AFAP1L2: variants seen among roughly 807,000 people sequenced by gnomAD.
The protein encoded by AFAP1L2 is actin filament-associated protein 1-like 2.
Under a neutral mutation model 99.3 loss-of-function variants are expected in AFAP1L2, and 46 were observed. The observed-to-expected ratio is 0.46, with a 90% CI of 0.37 to 0.59. The LOEUF (loss-of-function observed/expected upper bound fraction) is 0.59. Among genes scored for constraint, AFAP1L2 ranks in the 20% least tolerant of loss-of-function variants. AFAP1L2 has a pLI of 0.00. For synonymous variants in AFAP1L2, 397 were observed against 419.1 expected (o/e 0.95, Z 0.64); for missense variants, 959 against 1,034.9 (o/e 0.93, Z 1.01).
the AFAP1L2 span, among the ~76,000 whole-genome samples, chr10:114,285,464 T>A: frequency 6.6e-6 from 1 of 152,240 alleles, no homozygotes; most frequent in Non-Finnish European, 1.5e-5. Flanking sequence ...GCTTGATGAA[T>A]AATAACTTTT....
intron 5 of AFAP1L2, among the ~76,000 whole-genome samples, chr10:114,322,921 G>A (rs905220263): frequency 2.0e-5 from 3 of 152,346 alleles, no homozygotes; most frequent in Middle Eastern, 3.4e-3. Flanking sequence ...TATTTGTTGT[G>A]TACCATCCCT....
At chr10:114,343,782 G>C (rs1348916017) in intron 1 of AFAP1L2, among the ~76,000 whole-genome samples, 1 of 152,152 alleles carries the variant, frequency 6.6e-6, no homozygotes, top group African/African-American at 2.4e-5. Flanking sequence ...CTGACCCAGG[G>C]GAGCTTCTCT....
intron 12 of AFAP1L2, 97 bp downstream of exon 12, chr10:114,302,242 C>A (rs755634081): frequency 7.2e-6 from 11 of 1,524,890 alleles, no homozygotes; most frequent in Non-Finnish European, 9.9e-6. Flanking sequence ...TGGGGTGGGA[C>A]CCTGTGCTCC....
intron 5 of AFAP1L2, chr10:114,319,545 C>T (rs756447557): frequency 4.7e-5 from 61 of 1,288,280 alleles, no homozygotes; most frequent in African/African-American, 2.4e-4. Context: ...CATTCCAGCT[C>T]GGGGAGTAAG....
Position 114,344,752 on chromosome 10 carries a change from C to A in AFAP1L2, c.17-4021G>T, listed in dbSNP as rs146573283. 7.9e-5 allele frequency among the ~76,000 whole-genome samples: 12 copies of A among 152,244 alleles called. No homozygotes were observed. The East Asian group carries it at 2.3e-3, about 29-fold the overall frequency. On this transcript the variant is annotated intron_variant, in intron 1 of 18. Coordinates refer to ENST00000304129, the MANE Select transcript of AFAP1L2 (RefSeq NM_001001936.3). ...TTTATCAGGAAAAGGAATTGTAGCT[C>A]GTCCTTGAGGAATGCATAGGAGCTC...
At chr10:114,394,455 G>A (rs1371447699) in intron 1 of AFAP1L2, among the ~76,000 whole-genome samples, 1 of 151,964 alleles carries the variant, frequency 6.6e-6, no homozygotes, top group East Asian at 1.9e-4. Flanking sequence ...AGAGAGTTGG[G>A]AGGGTCTGAC....
At chr10:114,404,364 G>T in intron 1 of AFAP1L2, 76 bp downstream of exon 1, 1 of 1,444,444 alleles carries the variant, frequency 6.9e-7, no homozygotes, top group Non-Finnish European at 9.4e-7. Context: ...CTGGCAAGAC[G>T]AGTCCTAGCC....
intron 5 of AFAP1L2, among the ~76,000 whole-genome samples, chr10:114,321,356 A>G (rs2045280576): frequency 6.6e-6 from 1 of 152,108 alleles, no homozygotes; most frequent in African/African-American, 2.4e-5. Flanking sequence ...AACATAAGAT[A>G]TTTGGTTTTT....
chr10:114,302,612 G>A (rs1037693434), intron 11 of AFAP1L2, 128 bp from the exon 12 acceptor site: 8 of 1,173,422 alleles, frequency 6.8e-6, no homozygotes, highest in Non-Finnish European at 8.3e-6. Flanking sequence ...AACAGCCCGG[G>A]GCTGTGCTTC....
the AFAP1L2 span, chr10:114,286,612 G>GAA: frequency 6.6e-6 from 7 of 1,055,812 alleles, no homozygotes; most frequent in Non-Finnish European, 9.3e-6. Context: ...GCCTCTTCTA[G>GAA]GGGCTGAAAC....
chr10:114,359,163 G>T (rs1452303839), intron 1 of AFAP1L2, among the ~76,000 whole-genome samples: 1 of 152,176 alleles, frequency 6.6e-6, no homozygotes, highest in African/African-American at 2.4e-5. Context: ...AGGATTCCTG[G>T]TGTGTAACAC....
intron 13 of AFAP1L2, 69 bp downstream of exon 13, chr10:114,301,285 A>C: frequency 2.3e-6 from 3 of 1,297,876 alleles, no homozygotes; most frequent in Non-Finnish European, 3.3e-6. Context: ...GATCTCTGGC[A>C]TCCAGGTGTT....
chr10:114,395,825 C>T (rs913497741), intron 1 of AFAP1L2, among the ~76,000 whole-genome samples: 21 of 147,964 alleles, frequency 1.4e-4, no homozygotes, highest in Admixed American at 2.7e-4. Flanking sequence ...TGCACTCAAA[C>T]CAGACGCGGG....
chr10:114,398,842 C>T (rs2057977781), intron 1 of AFAP1L2: 1 of 1,304,184 alleles, frequency 7.7e-7, no homozygotes, highest in Non-Finnish European at 1.0e-6. Context: ...CAGACAGGCT[C>T]ATACTCACAC....
intron 3 of AFAP1L2, among the ~76,000 whole-genome samples, chr10:114,332,656 TC>T (rs367652378): frequency 1.4e-4 from 21 of 152,276 alleles, no homozygotes; most frequent in African/African-American, 3.8e-4. Context: ...CCTCTGGGCC[TC>T]CCCGGGGTCT....
intron 2 of AFAP1L2, among the ~76,000 whole-genome samples, chr10:114,337,963 T>C (rs866017525): frequency 6.6e-6 from 1 of 152,168 alleles, no homozygotes; most frequent in South Asian, 2.1e-4. Flanking sequence ...TGATGTGCTG[T>C]TGACCAGCAC....
At chr10:114,366,252 C>T (rs765294345) in intron 1 of AFAP1L2, among the ~76,000 whole-genome samples, 6 of 152,092 alleles carry the variant, frequency 3.9e-5, no homozygotes, top group Non-Finnish European at 8.8e-5. Context: ...ACATGAAATA[C>T]GTAATGGAGG....
intron 5 of AFAP1L2, among the ~76,000 whole-genome samples, 181 bp from the exon 6 acceptor site, chr10:114,315,946 A>G (rs1290929884): frequency 1.3e-5 from 2 of 152,174 alleles, no homozygotes; most frequent in African/African-American, 4.8e-5. Flanking sequence ...CCTGCCCCCA[A>G]ACCCCTCAGC....
chr10:114,282,054 G>A, the AFAP1L2 span, among the ~76,000 whole-genome samples: 1 of 119,236 alleles, frequency 8.4e-6, no homozygotes. Flanking sequence ...CTGTTACCCA[G>A]GCTGGAGTGC....
Sources: gnomAD v4.1 joint callset for allele counts (sites outside exome capture counted in the v4.1 genomes callset) on GRCh38, gnomAD v4.1.1 for gene constraint, MANE v1.5 for transcripts, NCBI Gene and HGNC (gene_info 2026-07-23, HGNC 2026-07-21) for gene names.